The following SNX29 variants were observed in gnomAD, a reference collection of about 807,000 sequenced individuals.
The protein encoded by SNX29 is sorting nexin-29.
A neutral mutation model predicts 102.1 loss-of-function variants in SNX29; 78 were observed. That is an observed-to-expected ratio of 0.76 (90% confidence interval 0.64 to 0.92). The LOEUF (loss-of-function observed/expected upper bound fraction) is 0.92, where lower values mean the gene tolerates loss of function less well. Among genes scored for constraint, SNX29 ranks in the 40% least tolerant of loss-of-function variants. The probability of loss-of-function intolerance (pLI) is 0.00; values close to 1 mark genes in which losing one functional copy is unlikely to be tolerated. For missense variants in SNX29, 1,280 were observed against 1,061.7 expected (o/e 1.21, Z -2.86); for synonymous variants, 580 against 414.5 (o/e 1.40, Z -4.85).
At chr16:12,538,025 AAATCGTCCTGTCCTGCTAAAGTAT>A (rs2077155451) in intron 20 of SNX29, among the ~76,000 whole-genome samples, 1 of 152,162 alleles carries the variant, frequency 6.6e-6, no homozygotes, top group South Asian at 2.1e-4. Context: ...TTATAGACCA[AAATCGTCCTGTCCTGCTAAAGTAT>A]AATCGATCTT....
chr16:12,063,062 C>T (rs1286544292), intron 9 of SNX29, among the ~76,000 whole-genome samples: 2 of 152,198 alleles, frequency 1.3e-5, no homozygotes, highest in African/African-American at 2.4e-5. Flanking sequence ...CCCTGCACTG[C>T]AGTGTGGCTG....
chr16:12,358,096 G>T (rs1216250807), intron 16 of SNX29, among the ~76,000 whole-genome samples: 1 of 152,140 alleles, frequency 6.6e-6, no homozygotes, highest in Non-Finnish European at 1.5e-5. Flanking sequence ...TTTCTTTAAG[G>T]TCAGTACCTA....
At chr16:12,270,320 G>A (rs1057294651) in intron 14 of SNX29, among the ~76,000 whole-genome samples, 4 of 152,112 alleles carry the variant, frequency 2.6e-5, no homozygotes, top group Non-Finnish European at 5.9e-5. Context: ...GGTTTATTGG[G>A]GGGATGTGCA....
At chr16:12,447,997 T>C (rs1414199211) in intron 18 of SNX29, among the ~76,000 whole-genome samples, 1 of 152,070 alleles carries the variant, frequency 6.6e-6, no homozygotes, top group South Asian at 2.1e-4. Context: ...AGGCCTAGGA[T>C]TGGGGCTTGG....
At chr16:12,566,813 G>A (rs75173036) in intron 20 of SNX29, among the ~76,000 whole-genome samples, 2,029 of 152,354 alleles carry the variant, frequency 0.013, 36 homozygotes, top group African/African-American at 0.046. Context: ...AGATGATTCA[G>A]AGCAGCTCCG....
intron 20 of SNX29, among the ~76,000 whole-genome samples, chr16:12,529,372 A>ATGGCAGAGATCCCCGGGGAGATG (rs2076871707): frequency 6.6e-6 from 1 of 152,112 alleles, no homozygotes; most frequent in East Asian, 1.9e-4. Flanking sequence ...CACTTTGCAG[A>ATGGCAGAGATCCCCGGGGAGATG]TGGCAGAGAT....
chr16:11,999,445 A>G, intron 2 of SNX29, 87 bp downstream of exon 2: 2 of 1,296,176 alleles, frequency 1.5e-6, no homozygotes, highest in Non-Finnish European at 2.2e-6. Context: ...TAACATACAC[A>G]GACTAACTCC....
At chr16:12,559,886 G>C (rs573330031) in intron 20 of SNX29, among the ~76,000 whole-genome samples, 1 of 152,218 alleles carries the variant, frequency 6.6e-6, no homozygotes, top group Non-Finnish European at 1.5e-5. Flanking sequence ...GGCTGAGGCA[G>C]GAGAATGGCA....
At chr16:12,515,593 G>C (rs1285759353) in intron 19 of SNX29, 1 of 489,470 alleles carries the variant, frequency 2.0e-6, no homozygotes, top group Non-Finnish European at 4.1e-6. Context: ...GAATCTTCAG[G>C]TGACCTCCGA....
At position 12,037,001 on chromosome 16, in the gene SNX29, G is replaced by A. The variant is rs150762842; in HGVS notation, c.248-5896G>A. The stretch of plus-strand genomic sequence containing the variant: ...TCTCCATCTGTCGTCCCTCACCACC[G>A]CTTCTCTGTGGTTGGGTGTCTTTCC... On this transcript the variant is annotated intron_variant, in intron 4 of 20. Transcript: ENST00000566228. Among the ~76,000 whole-genome samples, 325 of 152,212 alleles carry A rather than the reference G, an allele frequency of 2.1e-3. 3 individuals carry two copies. The highest frequency in any genetic ancestry group is 7.3e-3 in the African/African-American group (303 of 41,522).
intron 14 of SNX29, among the ~76,000 whole-genome samples, chr16:12,248,149 T>C (rs1280213408): frequency 6.6e-6 from 1 of 152,238 alleles, no homozygotes; most frequent in Non-Finnish European, 1.5e-5. Flanking sequence ...CATGTCACTG[T>C]TGGGCCCTCT....
intron 3 of SNX29, among the ~76,000 whole-genome samples, chr16:12,008,780 C>T (rs2056545023): frequency 2.1e-5 from 3 of 146,336 alleles, no homozygotes; most frequent in Non-Finnish European, 3.0e-5. Context: ...CTTGCTCTGT[C>T]GCACAGGCTG....
intron 18 of SNX29, among the ~76,000 whole-genome samples, chr16:12,452,241 C>T (rs987307306): frequency 6.6e-6 from 1 of 152,170 alleles, no homozygotes; most frequent in South Asian, 2.1e-4. Context: ...TTTGTCCCTA[C>T]GGGGACATTT....
At chr16:12,185,637 T>TA (rs2076491769) in intron 13 of SNX29, among the ~76,000 whole-genome samples, 1 of 152,220 alleles carries the variant, frequency 6.6e-6, no homozygotes, top group Non-Finnish European at 1.5e-5. Context: ...TTTTTATCCT[T>TA]ACTGCATTCG....
rs370535141 is a variant in SNX29, at chr16:12,328,396, A to G, written c.1783-27767A>G. ...GTAAAGAAAATTCTTCTACAAGCCA[A>G]ACAGAAAGCCCTTGGCTGCCTCACA... On this transcript the variant is annotated intron_variant, in intron 15 of 20. Transcript: ENST00000566228. 1.1e-3 allele frequency among the ~76,000 whole-genome samples: 166 copies of G among 152,296 alleles called. 1 individual carries two copies. Among genetic ancestry groups the G allele is most frequent in the African/African-American group, 3.9e-3 (160 of 41,556 alleles).
intron 18 of SNX29, among the ~76,000 whole-genome samples, chr16:12,435,880 A>G (rs1182904235): frequency 6.6e-6 from 1 of 152,116 alleles, no homozygotes; most frequent in Non-Finnish European, 1.5e-5. Flanking sequence ...GCATCCTGAG[A>G]GAGGGGATGG....
intron 18 of SNX29, among the ~76,000 whole-genome samples, chr16:12,447,031 G>C (rs1381229100): frequency 6.6e-6 from 1 of 151,676 alleles, no homozygotes; most frequent in Non-Finnish European, 1.5e-5. Context: ...GCAGGGTGTG[G>C]TGGCACGCAT....
chr16:12,475,175 T>G (rs1369077033), intron 18 of SNX29, among the ~76,000 whole-genome samples: 1 of 152,224 alleles, frequency 6.6e-6, no homozygotes, highest in Non-Finnish European at 1.5e-5. Context: ...GTCTGATGGG[T>G]GAGTTTGTGC....
intron 20 of SNX29, among the ~76,000 whole-genome samples, chr16:12,551,022 G>A (rs1196160964): frequency 6.6e-6 from 1 of 152,112 alleles, no homozygotes; most frequent in Non-Finnish European, 1.5e-5. Context: ...GCCGAGTGAT[G>A]GGCTTCTAAA....
Sources: allele counts gnomAD v4.1 joint callset (sites outside exome capture counted in the v4.1 genomes callset), GRCh38; gene constraint gnomAD v4.1.1; transcripts MANE v1.5; gene names NCBI Gene and HGNC (gene_info 2026-07-23, HGNC 2026-07-21).